Variants in GPC6 observed in about 807,000 individuals in gnomAD.
GPC6 encodes the protein glypican 6.
A neutral mutation model predicts 55.2 loss-of-function variants in GPC6; 14 were observed. The observed-to-expected ratio is 0.25, with a 90% CI of 0.17 to 0.40. The LOEUF (loss-of-function observed/expected upper bound fraction) is 0.40. Ranked by LOEUF, GPC6 falls within the 10% of genes least tolerant of loss-of-function variation. The pLI is 1.00. For missense variants in GPC6, 641 were observed against 708.5 expected, an observed-to-expected ratio of 0.90 and a Z score of 1.08; for synonymous variants, 278 against 259.6, an observed-to-expected ratio of 1.07 and a Z score of -0.68.
chr13:93,401,551 A>G (rs917936821), intron 1 of GPC6, among the ~76,000 whole-genome samples: 2 of 151,348 alleles, frequency 1.3e-5, no homozygotes, highest in Non-Finnish European at 2.9e-5. Flanking sequence ...ATATTGTTTC[A>G]GACACTAGGA....
At chr13:93,599,814 A>G (rs1056069594) in intron 2 of GPC6, among the ~76,000 whole-genome samples, 8 of 152,226 alleles carry the variant, frequency 5.3e-5, no homozygotes, top group African/African-American at 1.9e-4. Flanking sequence ...CTGTCCATTT[A>G]AAAAATAATC....
intron 4 of GPC6, among the ~76,000 whole-genome samples, chr13:94,240,415 G>T (rs905414571): frequency 6.6e-6 from 1 of 152,028 alleles, no homozygotes; most frequent in Non-Finnish European, 1.5e-5. Flanking sequence ...GGGCCTCCTT[G>T]TCTCCTTCTG....
chr13:93,926,983 T>A (rs1877893461), intron 3 of GPC6, among the ~76,000 whole-genome samples: 1 of 152,200 alleles, frequency 6.6e-6, no homozygotes, highest in African/African-American at 2.4e-5. Context: ...GTTCCCCTAG[T>A]AGTTTTCTGT....
intron 3 of GPC6, among the ~76,000 whole-genome samples, chr13:93,920,948 G>A (rs1877537129): frequency 6.6e-6 from 1 of 152,120 alleles, no homozygotes; most frequent in African/African-American, 2.4e-5. Context: ...GACTCTTGTG[G>A]TCTTTAATTA....
chr13:93,819,618 T>C lies in GPC6; in HGVS notation c.320-10536T>C, dbSNP rs531853929. ...GGCCAGTGCTAGGAAACTGCAATGA[T>C]GAAAGTCAACTGCGAAAGCATCTCA... On this transcript the variant is annotated intron_variant, in intron 2 of 8. Coordinates refer to ENST00000377047, the MANE Select transcript of GPC6 (RefSeq NM_005708.5). 9.8e-5 allele frequency among the ~76,000 whole-genome samples: 15 copies of C among 152,332 alleles called. No individual in the cohort carries two copies. In the South Asian group the frequency reaches 2.7e-3, roughly 27 times the overall value.
intron 1 of GPC6, among the ~76,000 whole-genome samples, chr13:93,327,523 A>C (rs2139131921): frequency 6.6e-6 from 1 of 151,980 alleles, no homozygotes; most frequent in Admixed American, 6.6e-5. Flanking sequence ...ATAGATTGAA[A>C]CCTCATTAGG....
chr13:93,539,356 A>T (rs1406574556), intron 1 of GPC6, among the ~76,000 whole-genome samples: 3 of 152,178 alleles, frequency 2.0e-5, no homozygotes, highest in Non-Finnish European at 2.9e-5. Context: ...TCATCACGTG[A>T]AAGATGATCG....
chr13:93,896,317 G>T (rs560843739), intron 3 of GPC6, among the ~76,000 whole-genome samples: 3 of 151,960 alleles, frequency 2.0e-5, no homozygotes, highest in Non-Finnish European at 2.9e-5. Context: ...TGTTTAAGCC[G>T]TACAGACGTT....
At chr13:93,564,888 T>C (rs1169411715) in intron 2 of GPC6, among the ~76,000 whole-genome samples, 1 of 152,188 alleles carries the variant, frequency 6.6e-6, no homozygotes, top group Non-Finnish European at 1.5e-5. Flanking sequence ...AATTCTCTGC[T>C]GTTGTTTTAA....
chr13:94,275,631 T>G (rs1892177688), intron 4 of GPC6, among the ~76,000 whole-genome samples: 1 of 151,620 alleles, frequency 6.6e-6, no homozygotes, highest in Admixed American at 6.6e-5. Context: ...CCACCATGAA[T>G]GAAGAGAAAA....
intron 4 of GPC6, among the ~76,000 whole-genome samples, chr13:94,169,607 G>T (rs1159301890): frequency 6.6e-6 from 1 of 150,962 alleles, no homozygotes; most frequent in Non-Finnish European, 1.5e-5. Context: ...ATAGAGATGT[G>T]ACTGACTCTT....
chr13:93,783,590 C>G (rs968353267), intron 2 of GPC6, among the ~76,000 whole-genome samples: 1 of 152,026 alleles, frequency 6.6e-6, no homozygotes, highest in Admixed American at 6.6e-5. Flanking sequence ...ATCTATCTAT[C>G]TATCTATCTA....
In GPC6 at chr13:94,406,101, G is replaced by C. The variant is rs1161732211; in HGVS notation, c.*2884G>C. The C allele has an allele frequency of 6.6e-6, 1 of 152,108 alleles. No homozygotes were observed. The highest frequency in any genetic ancestry group is 1.5e-5 in the Non-Finnish European group (1 of 67,992). The allele number at this position is 152,108 out of a possible 1,614,324, so 9.4% of individuals were successfully genotyped here. ...CATATCATAACTTTTGTTATGAATA[G>C]AGAGGAATGGGCTCACTGAAACCTG... On this transcript the variant is annotated 3_prime_UTR_variant, in exon 9 of 9. Coordinates refer to ENST00000377047, the MANE Select transcript of GPC6 (RefSeq NM_005708.5).
intron 4 of GPC6, among the ~76,000 whole-genome samples, chr13:94,193,062 CGTGTGTGTGTGT>C (rs66612458): frequency 3.4e-5 from 5 of 148,708 alleles, no homozygotes; most frequent in East Asian, 4.0e-4. Flanking sequence ...TGAGACTCCT[CGTGTGTGTGTGT>C]GTGTGTGTGT....
chr13:94,198,473 A>G (rs1396364951), intron 4 of GPC6, among the ~76,000 whole-genome samples: 1 of 152,226 alleles, frequency 6.6e-6, no homozygotes, highest in Non-Finnish European at 1.5e-5. Context: ...TAATGAAAAT[A>G]AGGTCAAATT....
At position 94,196,054 on chromosome 13, in the gene GPC6, T is replaced by C. The variant is rs187460623; in HGVS notation, c.878-90295T>C. The stretch of plus-strand genomic sequence containing the variant: ...TGATAATGACATATTAAAATAGACA[T>C]CCCTCAATGTTCTTTGTAGTCAAAA... On this transcript the variant is annotated intron_variant, in intron 4 of 8. Coordinates refer to ENST00000377047, the MANE Select transcript of GPC6 (RefSeq NM_005708.5). Among the ~76,000 whole-genome samples the C allele has an allele frequency of 2.6e-4, 39 of 152,260 alleles. 1 individual carries two copies. The highest frequency in any genetic ancestry group is 8.2e-4 in the African/African-American group (34 of 41,540).
chr13:93,259,493 G>A (rs1389161752), intron 1 of GPC6, among the ~76,000 whole-genome samples: 5 of 152,208 alleles, frequency 3.3e-5, no homozygotes, highest in Admixed American at 3.3e-4. Context: ...TAATGTTTTT[G>A]TGCTTTATTT....
At chr13:94,249,634 G>A (rs1424508597) in intron 4 of GPC6, among the ~76,000 whole-genome samples, 5 of 152,170 alleles carry the variant, frequency 3.3e-5, no homozygotes, top group Non-Finnish European at 7.4e-5. Context: ...GATCCAGCTT[G>A]TGAGTAATGG....
chr13:94,186,737 T>C (rs1889202720), intron 4 of GPC6, among the ~76,000 whole-genome samples: 1 of 152,208 alleles, frequency 6.6e-6, no homozygotes, highest in Non-Finnish European at 1.5e-5. Context: ...TAAAACATAA[T>C]TTAGTAGATT....
Sources: allele counts gnomAD v4.1 joint callset (sites outside exome capture counted in the v4.1 genomes callset), GRCh38; gene constraint gnomAD v4.1.1; transcripts MANE v1.5; gene names NCBI Gene and HGNC (gene_info 2026-07-23, HGNC 2026-07-21).